Variants in TRANK1 observed in about 807,000 individuals in gnomAD.
TRANK1 encodes tetratricopeptide repeat and ankyrin repeat containing 1.
TRANK1 carries 198 observed loss-of-function variants against 266.0 expected under a neutral mutation model. The observed-to-expected ratio is 0.74, with a 90% CI of 0.66 to 0.84. The LOEUF (loss-of-function observed/expected upper bound fraction) is 0.84. Among genes scored for constraint, TRANK1 ranks in the 40% least tolerant of loss-of-function variants. The pLI, the probability that TRANK1 is intolerant of heterozygous loss-of-function variation, is 0.00. For missense variants in TRANK1, 3,326 were observed against 3,634.6 expected, an observed-to-expected ratio of 0.92 and a Z score of 2.18; for synonymous variants, 1,396 against 1,384.1, an observed-to-expected ratio of 1.01 and a Z score of -0.19.
At chr3:36,899,341 A>G (rs2079841748) in intron 3 of TRANK1, 82 bp from the exon 4 acceptor site, 2 of 1,445,424 alleles carry the variant, frequency 1.4e-6, no homozygotes, top group South Asian at 2.7e-5. Flanking sequence ...AATTGGCAAC[A>G]TGGGAAATCC....
At chr3:36,866,369 A>G (rs2079228105) in intron 9 of TRANK1, among the ~76,000 whole-genome samples, 1 of 152,242 alleles carries the variant, frequency 6.6e-6, no homozygotes, top group Non-Finnish European at 1.5e-5. Context: ...CAGGAAAAAA[A>G]TTAAAAGCAT....
At chr3:36,918,067 A>C (rs1237937488) in intron 1 of TRANK1, among the ~76,000 whole-genome samples, 1 of 152,218 alleles carries the variant, frequency 6.6e-6, no homozygotes, top group Non-Finnish European at 1.5e-5. Flanking sequence ...AGTACTATTT[A>C]GCCTTAGAAA....
chr3:36,872,550 T>C (rs1366708394), intron 9 of TRANK1, among the ~76,000 whole-genome samples: 1 of 152,156 alleles, frequency 6.6e-6, no homozygotes, highest in Non-Finnish European at 1.5e-5. Context: ...TAAGCTGCTA[T>C]AGATAAGAAA....
chr3:36,918,606 G>GAAA (rs1553630564), intron 1 of TRANK1, among the ~76,000 whole-genome samples: 13 of 22,136 alleles, frequency 5.9e-4, no homozygotes, highest in East Asian at 2.8e-3. Flanking sequence ...AAGGAAGGAA[G>GAAA]GAAAGAAAGA....
chr3:36,910,271 G>A (rs1183631093), intron 1 of TRANK1, among the ~76,000 whole-genome samples: 2 of 152,120 alleles, frequency 1.3e-5, no homozygotes, highest in African/African-American at 2.4e-5. Context: ...AGAATGACAC[G>A]AAATGTTGGG....
chr3:36,877,030 A>C (rs1205490828), intron 8 of TRANK1, among the ~76,000 whole-genome samples: 1 of 152,230 alleles, frequency 6.6e-6, no homozygotes, highest in African/African-American at 2.4e-5. Context: ...GAAGATTTCT[A>C]AGGCCCAACT....
chr3:36,845,779 TA>T (rs2078906112), intron 17 of TRANK1, among the ~76,000 whole-genome samples: 1 of 152,178 alleles, frequency 6.6e-6, no homozygotes, highest in African/African-American at 2.4e-5. Context: ...GGTGGACACT[TA>T]GATTGTTTTT....
intron 1 of TRANK1, among the ~76,000 whole-genome samples, chr3:36,912,649 CAA>C (rs2080068838): frequency 6.6e-6 from 1 of 152,142 alleles, no homozygotes; most frequent in Non-Finnish European, 1.5e-5. Flanking sequence ...GATTTTGAAA[CAA>C]GCAAGTCTGA....
At chr3:36,852,878 C>G (rs1251088308) in intron 13 of TRANK1, among the ~76,000 whole-genome samples, 4 of 151,880 alleles carry the variant, frequency 2.6e-5, no homozygotes, top group Non-Finnish European at 5.9e-5. Flanking sequence ...TTGTCCTCTC[C>G]CATTGGTGCT....
chr3:36,903,728 T>A (rs1361809011), intron 2 of TRANK1, among the ~76,000 whole-genome samples: 1 of 152,236 alleles, frequency 6.6e-6, no homozygotes, highest in Non-Finnish European at 1.5e-5. Flanking sequence ...CACAGACTCC[T>A]GCCTGTGAGG....
chr3:36,828,251 G>A lies in TRANK1; in HGVS notation c.*24C>T, dbSNP rs370658904. 4 of 1,543,402 alleles carry A rather than the reference G, an allele frequency of 2.6e-6. No homozygotes were observed. The South Asian group carries it at 4.6e-5, about 18-fold the overall frequency. ...GTCAGAATGGAATGTTCCGAAGGATGAGGAGGCTGCAGCTGTGTGGACATT... is the reference window on the plus strand; with the variant it reads ...GTCAGAATGGAATGTTCCGAAGGATAAGGAGGCTGCAGCTGTGTGGACATT... On this transcript the variant is annotated 3_prime_UTR_variant, in exon 24 of 24. Transcript: ENST00000645898.
At chr3:36,904,316 C>T (rs537857344) in intron 2 of TRANK1, among the ~76,000 whole-genome samples, 11 of 151,648 alleles carry the variant, frequency 7.3e-5, no homozygotes, top group East Asian at 3.9e-4. Context: ...GCGAGGAGTT[C>T]GAGACCATCC....
In TRANK1 at chr3:36,903,237, T is replaced by A. The variant is rs1375967144; in HGVS notation, c.194A>T (p.Lys65Ile). 6.5e-7 allele frequency: 1 copy of A among 1,537,372 alleles called. No homozygotes were observed. The highest frequency in any genetic ancestry group is 8.7e-7 in the Non-Finnish European group (1 of 1,146,948). ...PRDLAVLLCN[K>I]SNAFFSLGKW... Reference sequence around the variant, plus strand: ...CCCAAGGCTGAAAAATGCATTTGATTTGTTGCACAGCAGCACAGCCAAGTC... The same window carrying A: ...CCCAAGGCTGAAAAATGCATTTGATATGTTGCACAGCAGCACAGCCAAGTC... Residue 65 changes from lysine (K) to isoleucine (I), a missense_variant, in exon 3 of 24, where the codon AAA becomes ATA. Transcript: ENST00000645898.
Position 36,852,222 on chromosome 3 carries a change from C to G in TRANK1, c.4673G>C (p.Cys1558Ser), listed in dbSNP as rs760767805. 8.1e-6 allele frequency: 13 copies of G among 1,613,168 alleles called. No individual in the cohort carries two copies. The highest frequency in any genetic ancestry group is 1.1e-5 in the Non-Finnish European group (13 of 1,179,742). ...CAAAATTGCCAAGTCGCTTACACTA[C>G]AAGACTCCAGAACAGTTGGCTTAGG... ...DGPKPTVLES[C>S]SVSDLAILLR... The change falls in exon 14 of 24, where the codon TGT (cysteine) becomes TCT (serine). Residue 1558 changes from cysteine to serine, a missense_variant. Physicochemically the swap from Cys to Ser is moderately radical, Grantham distance 112. Transcript: ENST00000645898.
intron 1 of TRANK1, among the ~76,000 whole-genome samples, chr3:36,911,144 C>T (rs114592656): frequency 1.3e-5 from 2 of 150,102 alleles, no homozygotes; most frequent in Admixed American, 6.6e-5. Flanking sequence ...CAGGCCTATA[C>T]GGTTGAAAAG....
At chr3:36,894,581 G>A (rs1464957008) in intron 5 of TRANK1, among the ~76,000 whole-genome samples, 1 of 152,032 alleles carries the variant, frequency 6.6e-6, no homozygotes, top group Non-Finnish European at 1.5e-5. Context: ...GTAAGCTTCA[G>A]GGAGCCCATG....
intron 15 of TRANK1, chr3:36,851,250 C>A: frequency 1.0e-6 from 1 of 986,308 alleles, no homozygotes; most frequent in Non-Finnish European, 1.2e-6. Flanking sequence ...TGTTCTTGTC[C>A]CCCACATTAC....
At chr3:36,870,962 T>TAAAAAAAAAAAAAAAAAAAAAAAAAA (rs563787088) in intron 9 of TRANK1, among the ~76,000 whole-genome samples, 2 of 65,102 alleles carry the variant, frequency 3.1e-5, no homozygotes, top group African/African-American at 5.8e-5. Context: ...ACAAGGAAAC[T>TAAAAAAAAAAAAAAAAAAAAAAAAAA]AAAAAAAAAA....
chr3:36,868,131 C>T (rs1027942543), intron 9 of TRANK1, among the ~76,000 whole-genome samples: 1 of 152,174 alleles, frequency 6.6e-6, no homozygotes, highest in Non-Finnish European at 1.5e-5. Context: ...TGGAATAACT[C>T]GGTAAATAAT....
Sources: allele counts gnomAD v4.1 joint callset (sites outside exome capture counted in the v4.1 genomes callset), GRCh38; gene constraint gnomAD v4.1.1; transcripts MANE v1.5; gene names NCBI Gene and HGNC (gene_info 2026-07-23, HGNC 2026-07-21).